Variants in MYO9A observed in about 807,000 individuals in gnomAD.
The protein encoded by MYO9A is unconventional myosin-IXa.
A neutral mutation model predicts 293.3 loss-of-function variants in MYO9A; 103 were observed. That is an observed-to-expected ratio of 0.35 (90% CI 0.30 to 0.41). The LOEUF (loss-of-function observed/expected upper bound fraction) is 0.41. Ranked by LOEUF, MYO9A falls within the 10% of genes least tolerant of loss-of-function variation. MYO9A has a pLI of 1.00. For missense variants in MYO9A, 2,685 were observed against 3,033.0 expected (o/e 0.89, Z 2.69); for synonymous variants, 1,001 against 1,035.7 (o/e 0.97, Z 0.64).
intron 18 of MYO9A, among the ~76,000 whole-genome samples, chr15:71,928,716 GTTTCCTTAA>G (rs974142976): frequency 6.6e-6 from 1 of 151,902 alleles, no homozygotes; most frequent in Admixed American, 6.6e-5. Flanking sequence ...AAATGGGATG[GTTTCCTTAA>G]TTTCTTTTTC....
At position 71,920,385 on chromosome 15, in the gene MYO9A, T is replaced by C. The variant is rs2058125420; in HGVS notation, c.2563-3893A>G. ...TTAAGAGGCGAAGGGGAGGGGCCCT[T>C]GGGAAGTAGCTGGGTAGTGGTATTA... On this transcript the variant is annotated intron_variant, in intron 18 of 41. Transcript: ENST00000356056. 3.3e-5 allele frequency among the ~76,000 whole-genome samples: 5 copies of C among 152,194 alleles called. No homozygotes were observed. The South Asian group carries it at 1.0e-3, about 32-fold the overall frequency.
chr15:72,090,029 G>C (rs186784543), intron 1 of MYO9A, among the ~76,000 whole-genome samples: 18 of 152,278 alleles, frequency 1.2e-4, no homozygotes, highest in Admixed American at 7.8e-4. Context: ...TACAGGAATT[G>C]AAATTACTTT....
intron 19 of MYO9A, 144 bp downstream of exon 19, chr15:71,916,226 T>G: frequency 2.1e-6 from 2 of 970,300 alleles, no homozygotes; most frequent in South Asian, 6.0e-5. Flanking sequence ...CTTTGGTTCT[T>G]TTTTCCAAAA....
At chr15:71,996,093 T>C (rs1373262577) in intron 9 of MYO9A, among the ~76,000 whole-genome samples, 2 of 152,144 alleles carry the variant, frequency 1.3e-5, no homozygotes, top group African/African-American at 4.8e-5. Context: ...GTGAACCAAC[T>C]ATCAAGAAAA....
At chr15:72,064,908 T>C (rs962448273) in intron 1 of MYO9A, among the ~76,000 whole-genome samples, 2 of 152,088 alleles carry the variant, frequency 1.3e-5, no homozygotes, top group African/African-American at 4.8e-5. Flanking sequence ...GCCAAGACAA[T>C]CTTAAAGAAT....
At chr15:71,859,618 C>A in intron 34 of MYO9A, 117 bp downstream of exon 34, 1 of 737,084 alleles carries the variant, frequency 1.4e-6, no homozygotes, top group Admixed American at 2.5e-5. Context: ...GATTTGTGGT[C>A]AAAAAGTTTA....
intron 8 of MYO9A, among the ~76,000 whole-genome samples, chr15:72,004,643 C>T (rs2076967015): frequency 1.3e-5 from 2 of 152,152 alleles, no homozygotes; most frequent in South Asian, 4.1e-4. Context: ...CTGATAAAAA[C>T]TGAACAGTTT....
At chr15:72,051,621 C>A (rs529874449) in intron 1 of MYO9A, among the ~76,000 whole-genome samples, 1 of 152,306 alleles carries the variant, frequency 6.6e-6, no homozygotes, top group African/African-American at 2.4e-5. Flanking sequence ...AGCACCCACT[C>A]CAATCTCAGA....
At chr15:71,965,332 CTTTTTT>C in intron 13 of MYO9A, among the ~76,000 whole-genome samples, 1 of 151,898 alleles carries the variant, frequency 6.6e-6, no homozygotes, top group African/African-American at 2.4e-5. Flanking sequence ...ATAATTTTTT[CTTTTTT>C]AAGTTTTTTT....
chr15:71,893,961 GA>G (rs1182599167), intron 25 of MYO9A, among the ~76,000 whole-genome samples, 183 bp from the exon 26 acceptor site: 1 of 152,106 alleles, frequency 6.6e-6, no homozygotes, highest in African/African-American at 2.4e-5. Context: ...GCATAAGACT[GA>G]ATTACTAAAG....
At chr15:72,006,731 A>G (rs1406408657) in intron 8 of MYO9A, among the ~76,000 whole-genome samples, 1 of 152,236 alleles carries the variant, frequency 6.6e-6, no homozygotes, top group Non-Finnish European at 1.5e-5. Context: ...GTAGACCATG[A>G]CAAGAAAACA....
intron 40 of MYO9A, 57 bp downstream of exon 40, chr15:71,830,052 A>G: frequency 6.6e-7 from 1 of 1,520,582 alleles, no homozygotes; most frequent in Non-Finnish European, 9.1e-7. Flanking sequence ...GAAACGATAG[A>G]AGGAAGGAAA....
chr15:72,081,090 G>C (rs2079530327), intron 1 of MYO9A, among the ~76,000 whole-genome samples: 1 of 152,154 alleles, frequency 6.6e-6, no homozygotes, highest in Admixed American at 6.6e-5. Flanking sequence ...ACCCAGTAAT[G>C]AGATTGCTGG....
intron 1 of MYO9A, among the ~76,000 whole-genome samples, chr15:72,073,869 T>C (rs1392767585): frequency 6.6e-6 from 1 of 152,184 alleles, no homozygotes. Flanking sequence ...CTGTGTGACC[T>C]GGGACAAGTT....
At position 71,903,061 on chromosome 15, in the gene MYO9A, A is replaced by G. The variant is rs757960851; in HGVS notation, c.2880T>C (p.Asp960=). Residue 960 remains aspartate, a splice_region_variant and synonymous_variant, in exon 22 of 42, where the codon GAT becomes GAC. Coordinates refer to ENST00000356056, the MANE Select transcript of MYO9A (RefSeq NM_006901.4). ...SGYSSKYSFQ[D]FVSHFHVLLP... is the part of the protein sequence containing the mutation. Reference sequence around the variant, plus strand: ...GAAGTACATGGAAGTGGCTCACAAAATCCTGAAAAATAATTTAAAAATATT... The same window carrying G: ...GAAGTACATGGAAGTGGCTCACAAAGTCCTGAAAAATAATTTAAAAATATT... 3 of 1,585,424 alleles carry G rather than the reference A, an allele frequency of 1.9e-6. No individual in the cohort carries two copies. Among genetic ancestry groups the G allele is most frequent in the Non-Finnish European group, 2.6e-6 (3 of 1,163,574 alleles).
At chr15:71,964,006 T>G (rs2147125382) in intron 13 of MYO9A, among the ~76,000 whole-genome samples, 1 of 152,326 alleles carries the variant, frequency 6.6e-6, no homozygotes, top group East Asian at 1.9e-4. Context: ...CTGGTGTTAG[T>G]TTTGGTAAAG....
At chr15:71,867,075 A>AACACACACACACACACACAC (rs35264363) in intron 32 of MYO9A, among the ~76,000 whole-genome samples, 2 of 147,986 alleles carry the variant, frequency 1.4e-5, no homozygotes, top group African/African-American at 5.0e-5. Flanking sequence ...CAAAAAACAA[A>AACACACACACACACACACAC]ACACACACAC....
At position 71,879,839 on chromosome 15, in the gene MYO9A, T is replaced by A; in HGVS notation, c.5623-2A>T. 6.3e-7 allele frequency: 1 copy of A among 1,591,714 alleles called. No individual in the cohort carries two copies. The highest frequency in any genetic ancestry group is 2.2e-5 in the East Asian group (1 of 44,716). On this transcript the variant is annotated splice_acceptor_variant, in intron 29 of 41. Coordinates refer to ENST00000356056, the MANE Select transcript of MYO9A (RefSeq NM_006901.4). LOFTEE classifies it high-confidence loss of function. ...GTCTTCATTATCTAGGTCATTCACC[T>A]GGGAACCACAAAACGAGTTTTAGTA...
At chr15:71,955,715 T>A (rs2059161499) in intron 14 of MYO9A, among the ~76,000 whole-genome samples, 1 of 152,224 alleles carries the variant, frequency 6.6e-6, no homozygotes, top group African/African-American at 2.4e-5. Flanking sequence ...ATTCCTTGAT[T>A]TAAAGTATAC....
Sources: gnomAD v4.1 joint callset for allele counts (sites outside exome capture counted in the v4.1 genomes callset) on GRCh38, gnomAD v4.1.1 for gene constraint, MANE v1.5 for transcripts, NCBI Gene and HGNC (gene_info 2026-07-23, HGNC 2026-07-21) for gene names.